Variants in DLG1 observed in about 807,000 individuals in gnomAD.
The protein encoded by DLG1 is disks large homolog 1.
In DLG1, 42 loss-of-function variants were observed where a neutral mutation model predicts 123.4. That is an observed-to-expected ratio of 0.34 (90% confidence interval 0.27 to 0.44). The LOEUF is 0.44. DLG1 is among the 20% of genes least tolerant of loss of function. The pLI, the probability that DLG1 is intolerant of heterozygous loss-of-function variation, is 1.00. For missense variants in DLG1, 942 were observed against 1,082.6 expected, an observed-to-expected ratio of 0.87 and a Z score of 1.82; for synonymous variants, 317 against 356.2, an observed-to-expected ratio of 0.89 and a Z score of 1.24.
chr3:197,236,031 A>G (rs2150681727), intron 4 of DLG1, among the ~76,000 whole-genome samples: 1 of 152,266 alleles, frequency 6.6e-6, no homozygotes, highest in South Asian at 2.1e-4. Context: ...AAATAAAGGC[A>G]GGCTAGTCAT....
intron 5 of DLG1, among the ~76,000 whole-genome samples, chr3:197,155,192 C>T (rs1795816321): frequency 6.6e-6 from 1 of 152,098 alleles, no homozygotes; most frequent in Non-Finnish European, 1.5e-5. Context: ...AGTGACTTGT[C>T]ACATACAACA....
intron 10 of DLG1, among the ~76,000 whole-genome samples, chr3:197,131,130 T>C (rs1025750764): frequency 2.0e-5 from 3 of 152,212 alleles, no homozygotes; most frequent in Non-Finnish European, 4.4e-5. Context: ...TGTGTGGCTA[T>C]ATCATAATTT....
At chr3:197,052,813 A>G (rs1342597569) in intron 23 of DLG1, among the ~76,000 whole-genome samples, 5 of 152,186 alleles carry the variant, frequency 3.3e-5, no homozygotes, top group Non-Finnish European at 7.4e-5. Flanking sequence ...GGGGGCATAA[A>G]AGAGAGATGT....
At chr3:197,131,880 A>G (rs1316370822) in intron 10 of DLG1, among the ~76,000 whole-genome samples, 3 of 151,968 alleles carry the variant, frequency 2.0e-5, no homozygotes, top group Admixed American at 2.0e-4. Flanking sequence ...GGCGTGAGCC[A>G]CCGCGCCCGG....
chr3:197,107,602 A>G (rs1767297269), intron 13 of DLG1, among the ~76,000 whole-genome samples: 1 of 151,890 alleles, frequency 6.6e-6, no homozygotes, highest in South Asian at 2.1e-4. Context: ...ACTTTTGTTG[A>G]TCCATGTCCT....
rs568285374 is a variant in DLG1 at position 197,171,589 on chromosome 3, A to G, written c.484-21793T>C. 2.0e-5 allele frequency among the ~76,000 whole-genome samples: 3 copies of G among 152,314 alleles called. No individual in the cohort carries two copies. In the South Asian group the frequency reaches 6.2e-4, roughly 32 times the overall value. On this transcript the variant is annotated intron_variant, in intron 5 of 24. Coordinates refer to ENST00000667157, the MANE Select transcript of DLG1 (RefSeq NM_001366207.1). ...AACATGAGTACAAGTGTGTTAGTTC[A>G]CACAGACAGATCATCTAGTTCATGA...
chr3:197,274,259 G>A (rs148277217), intron 4 of DLG1, among the ~76,000 whole-genome samples: 143 of 152,172 alleles, frequency 9.4e-4, no homozygotes, highest in African/African-American at 3.4e-3. Context: ...ACAGACCAAC[G>A]GAACACAACA....
At chr3:197,075,762 C>T in intron 18 of DLG1, 1 of 1,366,604 alleles carries the variant, frequency 7.3e-7, no homozygotes, top group Non-Finnish European at 1.0e-6. Flanking sequence ...TACCATGAAT[C>T]TCAAAATGTA....
At chr3:197,064,634 T>C (rs754730702) in intron 22 of DLG1, among the ~76,000 whole-genome samples, 6 of 152,198 alleles carry the variant, frequency 3.9e-5, no homozygotes, top group Non-Finnish European at 7.3e-5. Context: ...CTCTGTTCCC[T>C]GTTTTTATGA....
intron 4 of DLG1, among the ~76,000 whole-genome samples, chr3:197,268,048 A>G (rs1009918806): frequency 6.6e-6 from 1 of 152,218 alleles, no homozygotes; most frequent in African/African-American, 2.4e-5. Context: ...AATTGAAAAC[A>G]TATAAAGTTA....
intron 5 of DLG1, among the ~76,000 whole-genome samples, chr3:197,172,337 A>G (rs1251121707): frequency 6.6e-6 from 1 of 152,164 alleles, no homozygotes; most frequent in East Asian, 1.9e-4. Flanking sequence ...ACTGGTTTGT[A>G]TATTTATTAT....
In DLG1 at chr3:197,110,473, CT is replaced by C. The variant is rs544694353; in HGVS notation, c.1443+5453del. On this transcript the variant is annotated intron_variant, in intron 13 of 24. Transcript: ENST00000667157. ...GTATTTAAAATACCTGGTTTAATGT[CT>C]TTGTTTAGCATGTTCAATGTCTGAC... is the stretch of plus-strand genomic sequence containing the variant. Among the ~76,000 whole-genome samples the C allele has an allele frequency of 3.3e-3, 505 of 152,164 alleles. 2 individuals carry two copies. The highest frequency in any genetic ancestry group is 4.8e-3 in the African/African-American group (198 of 41,488).
At chr3:197,188,716 C>T (rs759136928) in intron 5 of DLG1, among the ~76,000 whole-genome samples, 2 of 152,090 alleles carry the variant, frequency 1.3e-5, no homozygotes, top group Non-Finnish European at 2.9e-5. Context: ...GAAAAGCTCT[C>T]TATATTAGCT....
chr3:197,162,376 G>C (rs975586417), intron 5 of DLG1, among the ~76,000 whole-genome samples: 5 of 152,008 alleles, frequency 3.3e-5, no homozygotes, highest in African/African-American at 1.2e-4. Context: ...GATGAAACTG[G>C]AACACAGGAA....
At chr3:197,051,025 G>A (rs1727246175) in intron 24 of DLG1, among the ~76,000 whole-genome samples, 1 of 152,124 alleles carries the variant, frequency 6.6e-6, no homozygotes, top group Non-Finnish European at 1.5e-5. Context: ...CTCTGGTCAA[G>A]TATGAATTAT....
chr3:197,103,432 G>A (rs766086530), intron 14 of DLG1, among the ~76,000 whole-genome samples: 7 of 151,932 alleles, frequency 4.6e-5, no homozygotes, highest in Admixed American at 1.3e-4. Flanking sequence ...ACTGTAACTC[G>A]GCTTCCATAT....
In DLG1 at chr3:197,184,089, C is replaced by T. The variant is rs562588127; in HGVS notation, c.483+10336G>A. ...TTTCTTTCTCATGATTATTTTTTCA[C>T]CAGCGTCTGCAGGAACCAAAAGCTG... On this transcript the variant is annotated intron_variant, in intron 5 of 24. Coordinates refer to ENST00000667157, the MANE Select transcript of DLG1 (RefSeq NM_001366207.1). 5.9e-6 allele frequency: 7 copies of T among 1,186,576 alleles called. No individual in the cohort carries two copies. In the African/African-American group the frequency reaches 9.5e-5, roughly 16 times the overall value. 73.5% of individuals were successfully genotyped at this position (1,186,576 alleles called of 1,614,324 possible). A position where few individuals can be genotyped will look rare whatever the true frequency, so the allele number is the denominator to read the frequency against.
At chr3:197,171,450 A>C (rs1175268551) in intron 5 of DLG1, among the ~76,000 whole-genome samples, 1 of 152,216 alleles carries the variant, frequency 6.6e-6, no homozygotes, top group East Asian at 1.9e-4. Flanking sequence ...ACAAGCAAAC[A>C]ATTATAAAAC....
chr3:197,079,579 T>C (rs1039688525), intron 17 of DLG1, among the ~76,000 whole-genome samples: 1 of 152,224 alleles, frequency 6.6e-6, no homozygotes, highest in African/African-American at 2.4e-5. Flanking sequence ...AAAGGAAAGT[T>C]ACAACATGCA....
Sources: allele counts gnomAD v4.1 joint callset (sites outside exome capture counted in the v4.1 genomes callset), GRCh38; gene constraint gnomAD v4.1.1; transcripts MANE v1.5; gene names NCBI Gene and HGNC (gene_info 2026-07-23, HGNC 2026-07-21).